CAMTA1: variants seen among roughly 807,000 people sequenced by gnomAD.
CAMTA1 encodes the protein calmodulin binding transcription activator 1.
A neutral mutation model predicts 170.9 loss-of-function variants in CAMTA1; 27 were observed. The observed-to-expected ratio is 0.16, with a 90% CI of 0.12 to 0.22. CAMTA1 has a LOEUF of 0.22. Ranked by LOEUF, CAMTA1 falls within the 10% of genes least tolerant of loss-of-function variation. The pLI is 1.00. For missense variants in CAMTA1, 1,619 were observed against 2,217.2 expected (o/e 0.73, Z 5.42); for synonymous variants, 833 against 891.5 (o/e 0.93, Z 1.17).
At chr1:6,796,084 G>C (rs1386174116) in intron 1 of CAMTA1, among the ~76,000 whole-genome samples, 4 of 150,650 alleles carry the variant, frequency 2.7e-5, no homozygotes, top group African/African-American at 9.8e-5. Context: ...GTTCTTACAG[G>C]AAGTTGAGAG....
rs952797623 is a variant in CAMTA1 at position 7,534,926 on chromosome 1, G to A, written c.510+67025G>A. ...GATTTTGAAAAAGATGCAGAAAGAA[G>A]GAAAGAAAGTGGAGGGCAGAGGGAA... On this transcript the variant is annotated intron_variant, in intron 6 of 22. Coordinates refer to ENST00000303635, the MANE Select transcript of CAMTA1 (RefSeq NM_015215.4). The surrounding 1 kb of genome is among the most constrained non-coding windows in gnomAD (Gnocchi z 5.6). Among the ~76,000 whole-genome samples the A allele has an allele frequency of 2.0e-5, 3 of 151,972 alleles. No individual in the cohort carries two copies. The highest frequency in any genetic ancestry group is 6.6e-5 in the Admixed American group (1 of 15,238).
At chr1:6,982,528 C>T (rs1272976240) in intron 3 of CAMTA1, among the ~76,000 whole-genome samples, 1 of 152,178 alleles carries the variant, frequency 6.6e-6, no homozygotes, top group African/African-American at 2.4e-5. Flanking sequence ...TGGCACAGCC[C>T]TTGGAACAAG....
chr1:7,501,341 G>A lies in CAMTA1; in HGVS notation c.510+33440G>A, dbSNP rs144457342. On this transcript the variant is annotated intron_variant, in intron 6 of 22. Transcript: ENST00000303635. Reference sequence around the variant, plus strand: ...GCAAGAGGAAGGGAGGCCTGAGAACGGCCTTTGTTCCCGGGATCTCCGGAC... The same window carrying A: ...GCAAGAGGAAGGGAGGCCTGAGAACAGCCTTTGTTCCCGGGATCTCCGGAC... 3.8e-3 allele frequency among the ~76,000 whole-genome samples: 577 copies of A among 152,310 alleles called. 4 individuals are homozygous for A. The highest frequency in any genetic ancestry group is 0.012 in the African/African-American group (502 of 41,562).
chr1:7,605,461 G>A (rs1329486583), intron 6 of CAMTA1, among the ~76,000 whole-genome samples: 1 of 152,236 alleles, frequency 6.6e-6, no homozygotes, highest in Admixed American at 6.5e-5. Flanking sequence ...GCGAGGCTCT[G>A]TGGGCGTAGG....
chr1:7,121,985 C>T (rs1407308005), intron 4 of CAMTA1, among the ~76,000 whole-genome samples: 4 of 152,002 alleles, frequency 2.6e-5, no homozygotes, highest in Admixed American at 6.5e-5. Context: ...CAGTCACTCC[C>T]CCTGGCTCCT....
At chr1:7,235,243 G>A (rs1000274590) in intron 4 of CAMTA1, among the ~76,000 whole-genome samples, 1 of 152,128 alleles carries the variant, frequency 6.6e-6, no homozygotes, top group African/African-American at 2.4e-5. Context: ...TTCGGGATCA[G>A]CCTTCCTAGG....
chr1:7,364,738 G>T (rs545538552), intron 5 of CAMTA1, among the ~76,000 whole-genome samples: 2 of 152,290 alleles, frequency 1.3e-5, no homozygotes, highest in East Asian at 3.9e-4. Flanking sequence ...GTGTGCTGTG[G>T]GCTCTGGGGC....
chr1:7,407,479 A>G (rs1439073134), intron 5 of CAMTA1, among the ~76,000 whole-genome samples: 1 of 152,150 alleles, frequency 6.6e-6, no homozygotes, highest in African/African-American at 2.4e-5. Flanking sequence ...GAGGCCACCC[A>G]TGGTGAGTTG....
At chr1:7,429,209 A>G (rs1449766868) in intron 5 of CAMTA1, among the ~76,000 whole-genome samples, 2 of 152,208 alleles carry the variant, frequency 1.3e-5, no homozygotes, top group East Asian at 3.8e-4. Context: ...TCCATACTGG[A>G]TACACAATTG....
intron 3 of CAMTA1, among the ~76,000 whole-genome samples, chr1:6,962,934 C>T (rs573258858): frequency 6.6e-6 from 1 of 151,434 alleles, no homozygotes; most frequent in African/African-American, 2.4e-5. Flanking sequence ...TGGACCCACC[C>T]CTCTTTCAGT....
chr1:7,666,167 T>TAA (rs573817014), intron 9 of CAMTA1, among the ~76,000 whole-genome samples: 48 of 142,572 alleles, frequency 3.4e-4, no homozygotes, highest in East Asian at 6.1e-4. Flanking sequence ...GAAACTGTCT[T>TAA]AAAAAAAAAA....
chr1:7,752,331 CT>C, intron 20 of CAMTA1, 127 bp from the exon 21 acceptor site: 1 of 769,350 alleles, frequency 1.3e-6, no homozygotes, highest in Non-Finnish European at 2.3e-6. Flanking sequence ...TTGTATACAT[CT>C]TTAACATATG....
intron 6 of CAMTA1, among the ~76,000 whole-genome samples, chr1:7,476,048 A>G (rs114489786): frequency 3.6e-3 from 546 of 152,294 alleles, no homozygotes; most frequent in African/African-American, 0.013. Flanking sequence ...CATAAACCCC[A>G]AGTTTCCCCT....
chr1:6,805,510 C>A (rs942788548), intron 1 of CAMTA1, among the ~76,000 whole-genome samples: 1 of 152,134 alleles, frequency 6.6e-6, no homozygotes, highest in South Asian at 2.1e-4. Context: ...GTTGTCTTTT[C>A]GCTTTTGTTT....
At chr1:7,091,109 C>A (rs1239048951) in intron 3 of CAMTA1, among the ~76,000 whole-genome samples, 195 bp from the exon 4 acceptor site, 1 of 152,162 alleles carries the variant, frequency 6.6e-6, no homozygotes, top group Middle Eastern at 3.4e-3. Context: ...TGATTACTAC[C>A]GTGTGACAGG....
intron 3 of CAMTA1, among the ~76,000 whole-genome samples, chr1:6,827,221 T>C (rs1647315174): frequency 6.6e-6 from 1 of 152,184 alleles, no homozygotes; most frequent in Non-Finnish European, 1.5e-5. Context: ...TCACTCATGC[T>C]GAAATCTAGG....
rs2093274830 is a variant in CAMTA1, at chr1:7,468,939, C to T, written c.510+1038C>T. 3.3e-5 allele frequency among the ~76,000 whole-genome samples: 5 copies of T among 152,288 alleles called. No individual in the cohort carries two copies. In the South Asian group the frequency reaches 1.0e-3, roughly 32 times the overall value. On this transcript the variant is annotated intron_variant, in intron 6 of 22. Coordinates refer to ENST00000303635, the MANE Select transcript of CAMTA1 (RefSeq NM_015215.4). ...CACGGAGTGCAGAGAGGCTGATGGC[C>T]ACAGGAGAGCTGGTCTGGAAGGTGC...
intron 3 of CAMTA1, among the ~76,000 whole-genome samples, chr1:6,991,863 TA>T (rs1414304822): frequency 3.3e-5 from 5 of 152,024 alleles, no homozygotes; most frequent in Non-Finnish European, 7.4e-5. Context: ...CATACCTGGC[TA>T]TTTTTTTTTG....
chr1:7,740,177 A>G (rs947219183), intron 16 of CAMTA1, among the ~76,000 whole-genome samples: 1 of 152,238 alleles, frequency 6.6e-6, no homozygotes, highest in African/African-American at 2.4e-5. Context: ...GAAAAATCAA[A>G]TAATGTTTTA....
Sources: allele counts gnomAD v4.1 joint callset (sites outside exome capture counted in the v4.1 genomes callset), GRCh38; gene constraint gnomAD v4.1.1; non-coding constraint Gnocchi (gnomAD v3.1); transcripts MANE v1.5; gene names NCBI Gene and HGNC (gene_info 2026-07-23, HGNC 2026-07-21).